Variants in VSTM2A observed in about 807,000 individuals in gnomAD.
The protein encoded by VSTM2A is V-set and transmembrane domain-containing protein 2A.
VSTM2A carries 13 observed loss-of-function variants against 27.3 expected under a neutral mutation model. That is an observed-to-expected ratio of 0.48 (90% CI 0.31 to 0.76). The LOEUF is 0.76. Ranked by LOEUF, VSTM2A falls within the 30% of genes least tolerant of loss-of-function variation. The pLI is 0.05. For missense variants in VSTM2A, 280 were observed against 310.0 expected, an observed-to-expected ratio of 0.90 and a Z score of 0.73; for synonymous variants, 142 against 125.7, an observed-to-expected ratio of 1.13 and a Z score of -0.87.
chr7:54,547,004 G>A lies in VSTM2A; in HGVS notation c.297+7G>A. 6.7e-7 allele frequency: 1 copy of A among 1,492,476 alleles called. No individual in the cohort carries two copies. Among genetic ancestry groups the A allele is most frequent in the Non-Finnish European group, 8.9e-7 (1 of 1,125,362 alleles). 92.5% of individuals were successfully genotyped at this position (1,492,476 alleles called of 1,614,324 possible). ...CGACGGGACCAAGATCAGCGTGAGT[G>A]CGGGGCGCGCCAAGGGCCGCGGGCC... is the stretch of plus-strand genomic sequence containing the variant. On this transcript the variant is annotated splice_region_variant and intron_variant, in intron 3 of 4. Transcript: ENST00000402613.
intron 4 of VSTM2A, among the ~76,000 whole-genome samples, chr7:54,556,337 T>G (rs1426238826): frequency 6.6e-6 from 1 of 152,200 alleles, no homozygotes; most frequent in Non-Finnish European, 1.5e-5. Flanking sequence ...TGAACCTGAC[T>G]GTTAAGAGGC....
At chr7:54,559,825 G>A (rs2115889301) in intron 4 of VSTM2A, 1 of 152,196 alleles carries the variant, frequency 6.6e-6, no homozygotes, top group Non-Finnish European at 1.5e-5. Context: ...GGAGACATTA[G>A]AAAGGATTCA....
intron 4 of VSTM2A, 183 bp downstream of exon 4, chr7:54,550,353 T>TGG (rs1211089408): frequency 1.9e-5 from 27 of 1,444,762 alleles, no homozygotes; most frequent in Non-Finnish European, 2.4e-5. Context: ...TCAAAGCATG[T>TGG]GGGTGCACCC....
At position 54,569,548 on chromosome 7, in the gene VSTM2A, C is replaced by T; in HGVS notation, c.*329C>T. ...CTACAGAACAGAAGCTATCATCAGA[C>T]AAAACCCCCTTTTTAGGGGAAGAAC... On this transcript the variant is annotated 3_prime_UTR_variant, in exon 5 of 5. Coordinates refer to ENST00000402613, the MANE Select transcript of VSTM2A (RefSeq NM_001301009.2). The T allele has an allele frequency of 4.2e-6, 1 of 239,588 alleles. No homozygotes were observed. Among genetic ancestry groups the T allele is most frequent in the Non-Finnish European group, 8.0e-6 (1 of 124,314 alleles). 14.8% of individuals were successfully genotyped at this position (239,588 alleles called of 1,614,324 possible). A position where few individuals can be genotyped will look rare whatever the true frequency, so the allele number is the denominator to read the frequency against.
At chr7:54,568,411 T>C (rs554946035) in intron 4 of VSTM2A, among the ~76,000 whole-genome samples, 42 of 152,310 alleles carry the variant, frequency 2.8e-4, no homozygotes, top group African/African-American at 9.1e-4. Flanking sequence ...TAGAAGCTTA[T>C]TGAATAAAAT....
chr7:54,542,630 G>A lies in VSTM2A; in HGVS notation c.-101G>A. On this transcript the variant is annotated 5_prime_UTR_variant, in exon 1 of 5. Coordinates refer to ENST00000402613, the MANE Select transcript of VSTM2A (RefSeq NM_001301009.2). ...AGCAGCAGGATGTTTGCAGTGTCGCGCCCAGGGCTCTGAGACTGAGCCTGC... is the reference window on the plus strand; with the variant it reads ...AGCAGCAGGATGTTTGCAGTGTCGCACCCAGGGCTCTGAGACTGAGCCTGC... 9.7e-7 allele frequency: 1 copy of A among 1,033,712 alleles called. No individual in the cohort carries two copies. The allele number at this position is 1,033,712 out of a possible 1,614,324, so 64.0% of individuals were successfully genotyped here.
At chr7:54,555,465 T>C (rs1447840582) in intron 4 of VSTM2A, among the ~76,000 whole-genome samples, 3 of 152,236 alleles carry the variant, frequency 2.0e-5, no homozygotes, top group Non-Finnish European at 4.4e-5. Flanking sequence ...GTTTCCTTTG[T>C]ATGAGTCTTT....
rs1788142040 is a variant in VSTM2A, at chr7:54,550,180, C to A, written c.634+10C>A. On this transcript the variant is annotated intron_variant, in intron 4 of 4. Coordinates refer to ENST00000402613, the MANE Select transcript of VSTM2A (RefSeq NM_001301009.2). Reference sequence around the variant, plus strand: ...CAAAGTCCACAATCAGGTATGGAAACCCATTTCGAGCCTTTTATTTTACCA... The same window carrying A: ...CAAAGTCCACAATCAGGTATGGAAAACCATTTCGAGCCTTTTATTTTACCA... 1 of 1,583,194 alleles carries A rather than the reference C, an allele frequency of 6.3e-7. No individual in the cohort carries two copies. Among genetic ancestry groups the A allele is most frequent in the Non-Finnish European group, 8.6e-7 (1 of 1,164,964 alleles).
chr7:54,554,141 T>C, intron 4 of VSTM2A: 1 of 1,534,548 alleles, frequency 6.5e-7, no homozygotes, highest in Non-Finnish European at 8.8e-7. Flanking sequence ...CTGCTTCCAA[T>C]TCCCCACCCT....
chr7:54,543,658 C>T (rs1468715053), intron 1 of VSTM2A, among the ~76,000 whole-genome samples: 3 of 152,160 alleles, frequency 2.0e-5, no homozygotes, highest in Non-Finnish European at 2.9e-5. Context: ...CTGCATTCCC[C>T]ATGGCCCTCT....
chr7:54,549,387 A>G (rs1446506778), intron 3 of VSTM2A, among the ~76,000 whole-genome samples: 1 of 152,230 alleles, frequency 6.6e-6, no homozygotes, highest in Non-Finnish European at 1.5e-5. Flanking sequence ...ACTCAAACTC[A>G]TGACCAACAA....
At position 54,546,977 on chromosome 7, in the gene VSTM2A, A is replaced by G. The variant is rs138469755; in HGVS notation, c.277A>G (p.Ser93Gly). 2.5e-6 allele frequency: 4 copies of G among 1,593,608 alleles called. No individual in the cohort carries two copies. The highest frequency in any genetic ancestry group is 1.7e-4 in the Middle Eastern group (1 of 6,002). Residue 93 changes from serine (S) to glycine (G), a missense_variant, in exon 3 of 5, where the codon AGC becomes GGC. By Grantham distance (56) the Ser-to-Gly change is moderately conservative. Transcript: ENST00000402613. ...VELLPDRDPDSDGTKISTVKV... is the reference protein window; with the variant it reads ...VELLPDRDPDGDGTKISTVKV... ...GCTCTTGCCCGACAGAGACCCGGAC[A>G]GCGACGGGACCAAGATCAGCGTGAG...
intron 4 of VSTM2A, among the ~76,000 whole-genome samples, chr7:54,565,669 G>A (rs1455595427): frequency 2.0e-5 from 3 of 152,258 alleles, no homozygotes; most frequent in African/African-American, 7.2e-5. Context: ...GCAACAGGCA[G>A]TCCACTGGAG....
At position 54,545,353 on chromosome 7, in the gene VSTM2A, G is replaced by A. The variant is rs936348378; in HGVS notation, c.246+565G>A. Among the ~76,000 whole-genome samples the A allele has an allele frequency of 4.4e-4, 66 of 150,162 alleles. 1 individual carries two copies. Among genetic ancestry groups the A allele is most frequent in the African/African-American group, 1.2e-3 (50 of 40,664 alleles). On this transcript the variant is annotated intron_variant, in intron 2 of 4. Transcript: ENST00000402613. ...AGGGAGAGAAGGAGAGAAGAAAGGGGGAGACCGGGAGAGGCACAGAGAAGG... is the reference window on the plus strand; with the variant it reads ...AGGGAGAGAAGGAGAGAAGAAAGGGAGAGACCGGGAGAGGCACAGAGAAGG...
chr7:54,552,338 C>T (rs1584052973), intron 4 of VSTM2A: 2 of 152,246 alleles, frequency 1.3e-5, no homozygotes, highest in Middle Eastern at 3.4e-3. Flanking sequence ...TTTCTAATTT[C>T]GATTTCAGAA....
At chr7:54,545,175 C>G (rs892284964) in intron 2 of VSTM2A, among the ~76,000 whole-genome samples, 1 of 151,930 alleles carries the variant, frequency 6.6e-6, no homozygotes. Context: ...CACCCCCTCT[C>G]CCTTCTCGGG....
At position 54,544,746 on chromosome 7, in the gene VSTM2A, G is replaced by GC; in HGVS notation, c.206dup (p.Glu70GlyfsTer38). 6.2e-7 allele frequency: 1 copy of GC among 1,612,338 alleles called. No individual in the cohort carries two copies. The highest frequency in any genetic ancestry group is 8.5e-7 in the Non-Finnish European group (1 of 1,179,716). ...AGATCCAATGGTGGTTCCTGCGGGG[G>GC]CCGGAGGACCTGGATCCCGGGGCCG... On this transcript the variant is annotated frameshift_variant, in exon 2 of 5. Transcript: ENST00000402613. LOFTEE classifies it high-confidence loss of function.
chr7:54,545,815 G>C (rs1562704372), intron 2 of VSTM2A, among the ~76,000 whole-genome samples: 3 of 118,036 alleles, frequency 2.5e-5, no homozygotes, highest in Admixed American at 8.4e-5. Context: ...GGGAGGGGGC[G>C]AGAGGGACAG....
chr7:54,555,415 T>G (rs1788323505), intron 4 of VSTM2A, among the ~76,000 whole-genome samples: 1 of 152,246 alleles, frequency 6.6e-6, no homozygotes, highest in Admixed American at 6.5e-5. Flanking sequence ...TGCCTGAATG[T>G]TTTCAGATAT....
Sources: allele counts gnomAD v4.1 joint callset (sites outside exome capture counted in the v4.1 genomes callset), GRCh38; gene constraint gnomAD v4.1.1; transcripts MANE v1.5; gene names NCBI Gene and HGNC (gene_info 2026-07-23, HGNC 2026-07-21).